COL27A1: variants seen among roughly 807,000 people sequenced by gnomAD.
The protein encoded by COL27A1 is collagen type XXVII alpha 1 chain, also known as collagen alpha-1(XXVII) chain.
COL27A1 carries 106 observed loss-of-function variants against 251.3 expected under a neutral mutation model. The observed-to-expected ratio is 0.42, with a 90% confidence interval of 0.36 to 0.50. The LOEUF is 0.50. Ranked by LOEUF, COL27A1 falls within the 20% of genes least tolerant of loss-of-function variation. The pLI is 0.00. For synonymous variants in COL27A1, 1,000 were observed against 986.3 expected (o/e 1.01, Z -0.26); for missense variants, 2,325 against 2,522.8 (o/e 0.92, Z 1.68).
At chr9:114,276,942 A>G (rs10817580) in intron 37 of COL27A1, among the ~76,000 whole-genome samples, 29,515 of 152,188 alleles carry the variant, frequency 0.19, 3,640 homozygotes, top group East Asian at 0.29. Context: ...GATTGGGAAA[A>G]TCGGAGAGGT....
chr9:114,305,662 G>C (rs1828986716), intron 57 of COL27A1, among the ~76,000 whole-genome samples: 1 of 152,152 alleles, frequency 6.6e-6, no homozygotes, highest in African/African-American at 2.4e-5. Context: ...CCACACCAGG[G>C]GGAGGCACCA....
intron 4 of COL27A1, among the ~76,000 whole-genome samples, chr9:114,180,775 T>G (rs1827842002): frequency 6.6e-6 from 1 of 152,194 alleles, no homozygotes. Flanking sequence ...AGAATTGGTC[T>G]GCTTGGCTTT....
At position 114,290,927 on chromosome 9, in the gene COL27A1, C is replaced by T; in HGVS notation, c.4476+10C>T. The T allele has an allele frequency of 1.3e-6, 2 of 1,538,778 alleles. No homozygotes were observed. The highest frequency in any genetic ancestry group is 1.7e-4 in the Middle Eastern group (1 of 5,970). On this transcript the variant is annotated intron_variant, in intron 48 of 60. Transcript: ENST00000356083. This position sits in a 1 kb window ranked among gnomAD's most constrained non-coding sequence, Gnocchi z 4.6. Reference sequence around the variant, plus strand: ...ACCCCCAGGATTCAAGGTCAGATACCTCTTAATACACTTACCCACCCTCTG... The same window carrying T: ...ACCCCCAGGATTCAAGGTCAGATACTTCTTAATACACTTACCCACCCTCTG...
In COL27A1 at chr9:114,262,938, A is replaced by ATTTTTTT. The variant is rs386415960; in HGVS notation, c.3196-1405_3196-1399dup. 1.8e-4 allele frequency among the ~76,000 whole-genome samples: 23 copies of ATTTTTTT among 127,054 alleles called. 2 individuals are homozygous for ATTTTTTT. The highest frequency in any genetic ancestry group is 2.3e-4 in the East Asian group (1 of 4,392). 83.4% of individuals were successfully genotyped at this position (127,054 alleles called of 152,430 possible). Reference sequence around the variant, plus strand: ...TATTCATTGAAAATTTCCTTGTTTGATTTTTTTTTTTTTTTTTTGAGATGG... The same window carrying ATTTTTTT: ...TATTCATTGAAAATTTCCTTGTTTGATTTTTTTTTTTTTTTTTTTTTTTTTGAGATGG... On this transcript the variant is annotated intron_variant, in intron 28 of 60. Coordinates refer to ENST00000356083, the MANE Select transcript of COL27A1 (RefSeq NM_032888.4).
At chr9:114,206,436 C>A in intron 10 of COL27A1, 140 bp downstream of exon 10, 2 of 826,470 alleles carry the variant, frequency 2.4e-6, no homozygotes, top group Non-Finnish European at 4.0e-6. Context: ...AACAGAGGGG[C>A]AGCAGGAGGG....
At chr9:114,302,175 C>T in intron 56 of COL27A1, 67 bp downstream of exon 56, 1 of 1,279,010 alleles carries the variant, frequency 7.8e-7, no homozygotes, top group Non-Finnish European at 1.1e-6. Flanking sequence ...GAAGAGGCTG[C>T]TGGCCCTCTC....
In COL27A1 at chr9:114,168,746, A is replaced by G. The variant is rs1471531335; in HGVS notation, c.1191A>G (p.Thr397=). 1 of 1,614,002 alleles carries G rather than the reference A, an allele frequency of 6.2e-7. No homozygotes were observed. The highest frequency in any genetic ancestry group is 8.5e-7 in the Non-Finnish European group (1 of 1,180,030). Residue 397 remains threonine, a synonymous_variant, in exon 3 of 61, where the codon ACA becomes ACG. Coordinates refer to ENST00000356083, the MANE Select transcript of COL27A1 (RefSeq NM_032888.4). The part of the protein sequence containing the change: ...PTQKTAPSSF[T]KSALPTQKQV... ...AGAAAACAGCTCCATCTTCATTTAC[A>G]AAGTCAGCCCTACCCACTCAGAAGC...
At position 114,240,267 on chromosome 9, in the gene COL27A1, C is replaced by T. The variant is rs748323262; in HGVS notation, c.2775C>T (p.Gly925=). The change falls in exon 20 of 61, where the codon GGC becomes GGT. Residue 925 remains glycine, a synonymous_variant. Coordinates refer to ENST00000356083, the MANE Select transcript of COL27A1 (RefSeq NM_032888.4). ...CCCCTGGCGACAATGGCCCAGAAGG[C>T]ATGAAGGTGAGTACCTGCCCAGGGC... ...IGPPGDNGPE[G]MKGKPGARGL... 1.9e-5 allele frequency: 31 copies of T among 1,600,526 alleles called. No individual in the cohort carries two copies. The highest frequency in any genetic ancestry group is 2.6e-5 in the Non-Finnish European group (31 of 1,173,358).
At chr9:114,299,586 T>C (rs556368806) in intron 49 of COL27A1, among the ~76,000 whole-genome samples, 1 of 152,358 alleles carries the variant, frequency 6.6e-6, no homozygotes, top group South Asian at 2.1e-4. Context: ...TGAGCCTGTT[T>C]CCTCATCTGT....
chr9:114,209,638 G>T (rs1193152758), intron 10 of COL27A1, 37 bp from the exon 11 acceptor site: 2 of 1,610,906 alleles, frequency 1.2e-6, no homozygotes, highest in South Asian at 2.2e-5. Flanking sequence ...ACACCTCACT[G>T]CTTGACCGCT....
intron 56 of COL27A1, among the ~76,000 whole-genome samples, chr9:114,303,326 C>T (rs1273164497): frequency 3.3e-5 from 5 of 150,750 alleles, no homozygotes; most frequent in African/African-American, 7.3e-5. Flanking sequence ...GCAACCTCCT[C>T]CTCCCAGGTT....
intron 27 of COL27A1, 94 bp from the exon 28 acceptor site, chr9:114,258,447 G>A: frequency 1.6e-6 from 2 of 1,269,998 alleles, no homozygotes; most frequent in South Asian, 1.3e-5. Context: ...TCTGAGGGCT[G>A]CAGGCCTTCA....
At chr9:114,187,453 A>C (rs1202196930) in intron 5 of COL27A1, among the ~76,000 whole-genome samples, 1 of 152,258 alleles carries the variant, frequency 6.6e-6, no homozygotes, top group East Asian at 1.9e-4. Flanking sequence ...TTTGCAGGGC[A>C]GGTATTATTA....
chr9:114,209,424 C>A (rs1214539837), intron 10 of COL27A1: 4 of 754,722 alleles, frequency 5.3e-6, no homozygotes, highest in Non-Finnish European at 9.9e-6. Context: ...CCGGCGAGCG[C>A]CTGCGCCCTT....
chr9:114,208,550 G>C (rs1047423393), intron 10 of COL27A1, among the ~76,000 whole-genome samples: 3 of 152,188 alleles, frequency 2.0e-5, no homozygotes, highest in Non-Finnish European at 2.9e-5. Context: ...CTGGCAGCAG[G>C]CCTGGCCTAT....
intron 37 of COL27A1, among the ~76,000 whole-genome samples, chr9:114,276,976 C>T (rs573978521): frequency 1.3e-5 from 2 of 152,342 alleles, no homozygotes; most frequent in South Asian, 4.1e-4. Flanking sequence ...CAGGCTCACA[C>T]AGTGAGAAAT....
In COL27A1 at chr9:114,309,494, C is replaced by A. The variant is rs746262711; in HGVS notation, c.5436+16C>A. 17 of 1,596,662 alleles carry A rather than the reference C, an allele frequency of 1.1e-5. No individual in the cohort carries two copies. In the South Asian group the frequency reaches 1.2e-4, roughly 11 times the overall value. ...TGGCTGCAAGGTAACTCTCAGAGCC[C>A]CTCCTAGGCCCTTCATGTGGGGACA... On this transcript the variant is annotated intron_variant, in intron 60 of 60. Transcript: ENST00000356083.
In COL27A1 at chr9:114,168,126, C is replaced by G; in HGVS notation, c.571C>G (p.Leu191Val). 6.2e-7 allele frequency: 1 copy of G among 1,612,964 alleles called. No homozygotes were observed. Among genetic ancestry groups the G allele is most frequent in the Non-Finnish European group, 8.5e-7 (1 of 1,180,030 alleles). Reference sequence around the variant, plus strand: ...GCTGCCTTTCCACAGGGACCCTGCACTCGACCCTGGGGGCTCCTTCCTCTT... The same window carrying G: ...GCTGCCTTTCCACAGGGACCCTGCAGTCGACCCTGGGGGCTCCTTCCTCTT... The part of the protein sequence containing the change: ...VLLPFHRDPA[L>V]DPGGSFLFGK... Residue 191 changes from leucine (L) to valine (V), a missense_variant, in exon 3 of 61, where the codon CTC becomes GTC. By Grantham distance (32) the Leu-to-Val change is conservative (BLOSUM62 1). Transcript: ENST00000356083.
intron 7 of COL27A1, among the ~76,000 whole-genome samples, chr9:114,203,740 G>A (rs1426453171): frequency 6.6e-6 from 1 of 152,144 alleles, no homozygotes; most frequent in East Asian, 1.9e-4. Flanking sequence ...GGGGCTGATG[G>A]GGGGTGTTGA....
Sources: allele counts gnomAD v4.1 joint callset (sites outside exome capture counted in the v4.1 genomes callset), GRCh38; gene constraint gnomAD v4.1.1; non-coding constraint Gnocchi (gnomAD v3.1); transcripts MANE v1.5; gene names NCBI Gene and HGNC (gene_info 2026-07-23, HGNC 2026-07-21).